Variants in SLCO1B3 observed in about 807,000 individuals in gnomAD.
SLCO1B3 encodes the protein liver-specific organic anion transporter 2.
In SLCO1B3, 72 loss-of-function variants were observed where a neutral mutation model predicts 71.8. That is an observed-to-expected ratio of 1.00 (90% CI 0.83 to 1.22). SLCO1B3 has a LOEUF of 1.22. Among genes scored for constraint, SLCO1B3 ranks in the 50% most tolerant of loss-of-function variants. The pLI is 0.00. For missense variants in SLCO1B3, 911 were observed against 819.7 expected (o/e 1.11, Z -1.36); for synonymous variants, 298 against 278.4 (o/e 1.07, Z -0.70).
intron 3 of SLCO1B3, among the ~76,000 whole-genome samples, chr12:20,822,201 G>A (rs1297196706): frequency 5.3e-5 from 8 of 152,328 alleles, no homozygotes; most frequent in African/African-American, 1.9e-4. Flanking sequence ...GTGTGTCCAT[G>A]TGAAGAGACC....
chr12:20,857,549 C>T lies in SLCO1B3; in HGVS notation c.227-890C>T, dbSNP rs149348597. ...TAATTATATTTTAAATTTATAACAA[C>T]ACTTTATTGTTGTCTTATTATTTTT... On this transcript the variant is annotated intron_variant, in intron 4 of 15. Transcript: ENST00000381545. Among the ~76,000 whole-genome samples the T allele has an allele frequency of 3.8e-3, 579 of 151,924 alleles. 2 individuals are homozygous for T. The highest frequency in any genetic ancestry group is 6.2e-3 in the Non-Finnish European group (418 of 67,916).
chr12:20,816,365 C>T (rs1864194017), intron 3 of SLCO1B3, among the ~76,000 whole-genome samples: 1 of 152,136 alleles, frequency 6.6e-6, no homozygotes, highest in Non-Finnish European at 1.5e-5. Context: ...ATGACCCTTT[C>T]CAGCCTCTGG....
rs917363998 is a variant in SLCO1B3 at position 20,916,008 on chromosome 12, G to T, written c.1870G>T (p.Val624Phe). The T allele has an allele frequency of 1.3e-6, 2 of 1,598,572 alleles. No individual in the cohort carries two copies. The highest frequency in any genetic ancestry group is 1.7e-5 in the Admixed American group (1 of 58,738). The change falls in exon 16 of 16, where the codon GTC (valine) becomes TTC (phenylalanine). Residue 624 changes from valine (V) to phenylalanine (F), a missense_variant. Transcript: ENST00000381545. ...RIYNSVFFGR[V>F]YLGLSIALRF... ...CTCTATTTTCTCTTTTCACAGAAGG[G>T]TCTACTTGGGCTTATCTATAGCTTT...
intron 11 of SLCO1B3, among the ~76,000 whole-genome samples, chr12:20,880,497 G>A (rs1254527103): frequency 1.3e-5 from 2 of 151,446 alleles, no homozygotes; most frequent in African/African-American, 4.8e-5. Flanking sequence ...TCAGAAAAAT[G>A]AAGTTACTTA....
chr12:20,888,580 G>A (rs1274113707), intron 13 of SLCO1B3, among the ~76,000 whole-genome samples: 1 of 151,916 alleles, frequency 6.6e-6, no homozygotes, highest in East Asian at 1.9e-4. Flanking sequence ...AAGTCTAAGA[G>A]GCTTTCAGAG....
chr12:20,867,091 G>A (rs1865388017), intron 8 of SLCO1B3, among the ~76,000 whole-genome samples: 1 of 152,092 alleles, frequency 6.6e-6, no homozygotes, highest in Non-Finnish European at 1.5e-5. Flanking sequence ...AGAACCTCAT[G>A]AGTTGAATAC....
chr12:20,844,182 T>C (rs1864859809), intron 3 of SLCO1B3, among the ~76,000 whole-genome samples: 1 of 152,056 alleles, frequency 6.6e-6, no homozygotes, highest in Admixed American at 6.6e-5. Flanking sequence ...AAACTTTGTA[T>C]ACCTTAAACT....
chr12:20,813,891 G>A (rs560879975), intron 2 of SLCO1B3, among the ~76,000 whole-genome samples: 1 of 152,124 alleles, frequency 6.6e-6, no homozygotes, highest in East Asian at 1.9e-4. Context: ...CATAATTATT[G>A]CAAAACGTGA....
chr12:20,912,303 T>A (rs976085056), intron 15 of SLCO1B3, among the ~76,000 whole-genome samples: 13 of 13,776 alleles, frequency 9.4e-4, no homozygotes, highest in African/African-American at 9.9e-4. Context: ...ATTTTTATTT[T>A]TATTTATTTA....
chr12:20,855,175 T>G lies in SLCO1B3; in HGVS notation c.226+6T>G. 6.2e-7 allele frequency: 1 copy of G among 1,601,326 alleles called. No individual in the cohort carries two copies. The highest frequency in any genetic ancestry group is 8.5e-7 in the Non-Finnish European group (1 of 1,172,668). ...TGATGGAAGCTTTGAAATTGGTAAC[T>G]TTTATTTTTTCTATTTGATAACCAT... On this transcript the variant is annotated splice_donor_region_variant and intron_variant, in intron 4 of 15. Transcript: ENST00000381545.
intron 13 of SLCO1B3, among the ~76,000 whole-genome samples, chr12:20,897,186 T>C (rs1866028113): frequency 6.6e-6 from 1 of 152,248 alleles, no homozygotes; most frequent in African/African-American, 2.4e-5. Context: ...AGTGCTGCTG[T>C]CCTTTGTCAA....
intron 2 of SLCO1B3, among the ~76,000 whole-genome samples, chr12:20,813,898 G>A (rs531875089): frequency 3.8e-4 from 58 of 152,186 alleles, no homozygotes; most frequent in Non-Finnish European, 2.5e-4. Flanking sequence ...ATTGCAAAAC[G>A]TGAGAATCAA....
chr12:20,839,972 T>A (rs1038791687), intron 3 of SLCO1B3, among the ~76,000 whole-genome samples: 1 of 152,226 alleles, frequency 6.6e-6, no homozygotes, highest in Non-Finnish European at 1.5e-5. Context: ...TACTTATTTC[T>A]GCTACAATAT....
intron 3 of SLCO1B3, among the ~76,000 whole-genome samples, chr12:20,849,752 T>G (rs1864987206): frequency 6.8e-6 from 1 of 147,328 alleles, no homozygotes; most frequent in Admixed American, 6.8e-5. Context: ...CACATATTAC[T>G]TGTGTTTCTG....
chr12:20,843,604 C>T (rs1163558398), intron 3 of SLCO1B3, among the ~76,000 whole-genome samples: 12 of 151,876 alleles, frequency 7.9e-5, no homozygotes, highest in Non-Finnish European at 1.5e-4. Context: ...CATGGTGAAA[C>T]CCCGTCTCTA....
chr12:20,852,961 T>G (rs1195611277), intron 3 of SLCO1B3, among the ~76,000 whole-genome samples: 1 of 152,114 alleles, frequency 6.6e-6, no homozygotes, highest in Non-Finnish European at 1.5e-5. Context: ...TAGGTTGAAT[T>G]AATATTAATG....
intron 3 of SLCO1B3, among the ~76,000 whole-genome samples, chr12:20,848,838 A>G (rs1864965329): frequency 6.6e-6 from 1 of 152,090 alleles, no homozygotes; most frequent in African/African-American, 2.4e-5. Context: ...GGAAGAGAGG[A>G]AGAAAGAAAG....
At chr12:20,830,413 G>C (rs1000444992) in intron 3 of SLCO1B3, among the ~76,000 whole-genome samples, 1 of 152,030 alleles carries the variant, frequency 6.6e-6, no homozygotes, top group African/African-American at 2.4e-5. Flanking sequence ...GAGAGGTGAG[G>C]GTATGTTCAC....
In SLCO1B3 at chr12:20,901,443, G is replaced by A. The variant is rs1866132037; in HGVS notation, c.1841G>A (p.Arg614Lys). Residue 614 changes from arginine (R) to lysine (K), a missense_variant, in exon 15 of 16, where the codon AGG becomes AAG. Arg to Lys is a conservative substitution (Grantham distance 26). Coordinates refer to ENST00000381545, the MANE Select transcript of SLCO1B3 (RefSeq NM_019844.4). ...AGCTGTGGAGCACAAGGGGCTTGTA[G>A]GATATATAATTCCGTATTTTTTGGG... ...TNSCGAQGAC[R>K]IYNSVFFGRV... 1.3e-6 allele frequency: 2 copies of A among 1,551,338 alleles called. No homozygotes were observed. The highest frequency in any genetic ancestry group is 1.3e-5 in the South Asian group (1 of 79,400).
Sources: allele counts gnomAD v4.1 joint callset (sites outside exome capture counted in the v4.1 genomes callset), GRCh38; gene constraint gnomAD v4.1.1; transcripts MANE v1.5; gene names NCBI Gene and HGNC (gene_info 2026-07-23, HGNC 2026-07-21).